The following NUAK1 variants were observed in gnomAD, a reference collection of about 807,000 sequenced individuals.
The protein encoded by NUAK1 is NUAK family SNF1-like kinase 1.
NUAK1 carries 26 observed loss-of-function variants against 56.9 expected under a neutral mutation model. That is an observed-to-expected ratio of 0.46 (90% CI 0.33 to 0.63). The LOEUF is 0.63. Ranked by LOEUF, NUAK1 falls within the 30% of genes least tolerant of loss-of-function variation. NUAK1 has a pLI of 0.02. For synonymous variants in NUAK1, 337 were observed against 336.0 expected (o/e 1.00, Z -0.03); for missense variants, 727 against 876.1 (o/e 0.83, Z 2.15).
Position 106,138,663 on chromosome 12 carries a change from C to T in NUAK1, c.-10G>A. The T allele has an allele frequency of 6.6e-7, 1 of 1,507,614 alleles. No homozygotes were observed. The highest frequency in any genetic ancestry group is 8.8e-7 in the Non-Finnish European group (1 of 1,138,014). The allele number at this position is 1,507,614 out of a possible 1,614,324, so 93.4% of individuals were successfully genotyped here. ...CGGCGGCCCCTTCCATGTCCAAGCG[C>T]GGGGCGAGCCGGGCTACAGAGGGCA... On this transcript the variant is annotated 5_prime_UTR_variant, in exon 1 of 7. Transcript: ENST00000261402. The surrounding 1 kb of genome is among the most constrained non-coding windows in gnomAD (Gnocchi z 5.0).
intron 4 of NUAK1, among the ~76,000 whole-genome samples, chr12:106,079,864 T>C (rs1215138866): frequency 6.6e-6 from 1 of 152,238 alleles, no homozygotes; most frequent in Non-Finnish European, 1.5e-5. Context: ...TGCGAGATCC[T>C]GAGTTCCAAG....
At chr12:106,114,359 G>A (rs984843828) in intron 1 of NUAK1, among the ~76,000 whole-genome samples, 2 of 152,240 alleles carry the variant, frequency 1.3e-5, no homozygotes, top group East Asian at 3.8e-4. Flanking sequence ...CCTATAAGGA[G>A]AGGGACTCGG....
intron 6 of NUAK1, 49 bp downstream of exon 6, chr12:106,070,725 C>A: frequency 6.2e-7 from 1 of 1,608,962 alleles, no homozygotes; most frequent in Non-Finnish European, 8.5e-7. Flanking sequence ...GTTGGGTAAG[C>A]AGATCTCTCT....
At chr12:106,074,602 G>T (rs1313899469) in intron 4 of NUAK1, among the ~76,000 whole-genome samples, 1 of 152,062 alleles carries the variant, frequency 6.6e-6, no homozygotes, top group African/African-American at 2.4e-5. Context: ...TCCACTCTAA[G>T]CCAGCCTTGC....
intron 2 of NUAK1, among the ~76,000 whole-genome samples, chr12:106,100,605 T>C (rs1334371214): frequency 1.3e-5 from 2 of 152,230 alleles, no homozygotes; most frequent in African/African-American, 4.8e-5. Flanking sequence ...TTGTTGGCCC[T>C]TGTATTCCTA....
At chr12:106,119,654 C>A (rs559778815) in intron 1 of NUAK1, among the ~76,000 whole-genome samples, 18 of 151,966 alleles carry the variant, frequency 1.2e-4, no homozygotes, top group Non-Finnish European at 2.1e-4. Context: ...CTGTATCTGG[C>A]GAGTTTTCAG....
intron 4 of NUAK1, 114 bp from the exon 5 acceptor site, chr12:106,072,957 T>C: frequency 8.1e-7 from 1 of 1,238,948 alleles, no homozygotes; most frequent in Non-Finnish European, 1.1e-6. Context: ...TGGGTGGGTC[T>C]GCTGGCTGGA....
At chr12:106,100,220 G>A (rs2032733971) in intron 2 of NUAK1, among the ~76,000 whole-genome samples, 1 of 151,498 alleles carries the variant, frequency 6.6e-6, no homozygotes, top group Non-Finnish European at 1.5e-5. Flanking sequence ...CCTCCTTTTA[G>A]CAGTTTCCCA....
chr12:106,070,030 A>T (rs1397441008), intron 6 of NUAK1, among the ~76,000 whole-genome samples: 2 of 152,198 alleles, frequency 1.3e-5, no homozygotes, highest in Non-Finnish European at 2.9e-5. Flanking sequence ...CCTGGGCAAC[A>T]GAGCGAGACA....
chr12:106,092,807 T>C (rs1320936555), intron 2 of NUAK1, among the ~76,000 whole-genome samples: 1 of 152,170 alleles, frequency 6.6e-6, no homozygotes, highest in East Asian at 1.9e-4. Context: ...TTTGTGCAAC[T>C]CAAAAGCGCA....
rs1161742061 is a variant in NUAK1, at chr12:106,100,074, T to G, written c.361+6331A>C. On this transcript the variant is annotated intron_variant, in intron 2 of 6. Coordinates refer to ENST00000261402, the MANE Select transcript of NUAK1 (RefSeq NM_014840.3). ...AAAATACCTCACTTGAGCTCAAGAGTTCGAGACCAGCCTGGGCAACATGAT... is the reference window on the plus strand; with the variant it reads ...AAAATACCTCACTTGAGCTCAAGAGGTCGAGACCAGCCTGGGCAACATGAT... 1.3e-4 allele frequency among the ~76,000 whole-genome samples: 19 copies of G among 143,700 alleles called. 1 individual carries two copies. The highest frequency in any genetic ancestry group is 1.2e-3 in the Admixed American group (17 of 14,646). 94.3% of individuals were successfully genotyped at this position (143,700 alleles called of 152,430 possible).
chr12:106,096,344 T>C (rs534365997), intron 2 of NUAK1, among the ~76,000 whole-genome samples: 2 of 152,108 alleles, frequency 1.3e-5, no homozygotes, highest in East Asian at 1.9e-4. Context: ...AAGAAAACAA[T>C]GAAAATAATA....
At chr12:106,107,331 T>A (rs75730088) in intron 1 of NUAK1, among the ~76,000 whole-genome samples, 2 of 150,306 alleles carry the variant, frequency 1.3e-5, no homozygotes, top group African/African-American at 4.9e-5. Flanking sequence ...TAAGGAAAAG[T>A]GTGTTCGCCA....
intron 1 of NUAK1, among the ~76,000 whole-genome samples, chr12:106,137,205 T>C (rs936029384): frequency 6.6e-6 from 1 of 152,192 alleles, no homozygotes; most frequent in African/African-American, 2.4e-5. Flanking sequence ...CCCCATGTTT[T>C]TTTCACAGAA....
In NUAK1 at chr12:106,067,536, C is replaced by T; in HGVS notation, c.1252G>A (p.Glu418Lys). The change falls in exon 7 of 7, where the codon GAA becomes AAA. Residue 418 changes from glutamate to lysine, a missense_variant. Transcript: ENST00000261402. This position sits in a 1 kb window ranked among gnomAD's most constrained non-coding sequence, Gnocchi z 6.0. ...GGTAAGGCAGGACCAACTACACCTT[C>T]AATGAAGCCAGTGCTGTGAGAGCGA... ...EHRSHSTGFI[E>K]GVVGPALPST... 1 of 1,614,214 alleles carries T rather than the reference C, an allele frequency of 6.2e-7. No individual in the cohort carries two copies. The highest frequency in any genetic ancestry group is 8.5e-7 in the Non-Finnish European group (1 of 1,180,040).
intron 1 of NUAK1, among the ~76,000 whole-genome samples, chr12:106,133,354 C>A (rs1445372043): frequency 6.6e-6 from 1 of 152,224 alleles, no homozygotes; most frequent in Non-Finnish European, 1.5e-5. Flanking sequence ...TCTAGATACC[C>A]TTCCGGAAGG....
chr12:106,078,099 C>T (rs1472002106), intron 4 of NUAK1, among the ~76,000 whole-genome samples: 1 of 152,234 alleles, frequency 6.6e-6, no homozygotes, highest in Non-Finnish European at 1.5e-5. Flanking sequence ...GATGTGGTGG[C>T]TCATGCCTGC....
intron 1 of NUAK1, among the ~76,000 whole-genome samples, chr12:106,110,486 C>T (rs533723080): frequency 9.2e-5 from 14 of 152,142 alleles, no homozygotes; most frequent in South Asian, 2.1e-4. Context: ...CCCGGCATTG[C>T]GGAGGAAACC....
chr12:106,133,271 C>A (rs1045269429), intron 1 of NUAK1, among the ~76,000 whole-genome samples: 3 of 152,092 alleles, frequency 2.0e-5, no homozygotes, highest in African/African-American at 7.2e-5. Flanking sequence ...AATCAAGGGT[C>A]ATTTTCAACA....
Sources: allele counts gnomAD v4.1 joint callset (sites outside exome capture counted in the v4.1 genomes callset), GRCh38; gene constraint gnomAD v4.1.1; non-coding constraint Gnocchi (gnomAD v3.1); transcripts MANE v1.5; gene names NCBI Gene and HGNC (gene_info 2026-07-23, HGNC 2026-07-21).